The following UBA6 variants were observed in gnomAD, a reference collection of about 807,000 sequenced individuals.
UBA6 encodes the protein ubiquitin-like modifier-activating enzyme 6.
UBA6 carries 87 observed loss-of-function variants against 148.3 expected under a neutral mutation model. That is an observed-to-expected ratio of 0.59 (90% CI 0.49 to 0.70). The LOEUF is 0.70. Ranked by LOEUF, UBA6 falls within the 30% of genes least tolerant of loss-of-function variation. The pLI is 0.00. For synonymous variants in UBA6, 376 were observed against 401.0 expected (o/e 0.94, Z 0.75); for missense variants, 1,186 against 1,241.2 (o/e 0.96, Z 0.67).
chr4:67,649,000 T>A (rs1438793929), intron 14 of UBA6, 68 bp downstream of exon 14: 1 of 1,496,826 alleles, frequency 6.7e-7, no homozygotes, highest in Non-Finnish European at 9.0e-7. Context: ...ATATTAATAC[T>A]ACATTATAAT....
chr4:67,688,476 C>T (rs1730621415), intron 2 of UBA6, among the ~76,000 whole-genome samples: 1 of 151,914 alleles, frequency 6.6e-6, no homozygotes, highest in Non-Finnish European at 1.5e-5. Context: ...AAAATAAAAC[C>T]CCTCTGAGAG....
intron 1 of UBA6, among the ~76,000 whole-genome samples, chr4:67,699,223 T>C (rs940747551): frequency 6.6e-6 from 1 of 152,160 alleles, no homozygotes; most frequent in African/African-American, 2.4e-5. Context: ...GAGATCAATA[T>C]ACTGGCAGAA....
rs888115610 is a variant in UBA6, at chr4:67,616,026, A to G, written c.*2971T>C. The G allele has an allele frequency of 1.3e-5, 5 of 385,444 alleles. No homozygotes were observed. Among genetic ancestry groups the G allele is most frequent in the African/African-American group, 1.0e-4 (5 of 48,308 alleles). 23.9% of individuals were successfully genotyped at this position (385,444 alleles called of 1,614,324 possible). A position where few individuals can be genotyped will look rare whatever the true frequency, so the allele number is the denominator to read the frequency against. The stretch of plus-strand genomic sequence containing the variant: ...TCCTTGAACTGCATATTTATATTTT[A>G]TGTATTTTTGAATATATATGTGTTT... On this transcript the variant is annotated 3_prime_UTR_variant, in exon 33 of 33. Coordinates refer to ENST00000322244, the MANE Select transcript of UBA6 (RefSeq NM_018227.6).
In UBA6 at chr4:67,615,173, G is replaced by T. The variant is rs1728601521; in HGVS notation, c.*3824C>A. On this transcript the variant is annotated 3_prime_UTR_variant, in exon 33 of 33. Transcript: ENST00000322244. ...TGGTGGGAGGTGTTCGGGTTATGGG[G>T]ATGGATATCTGGATCCCTCATAAAT... The T allele has an allele frequency of 6.6e-6, 1 of 152,236 alleles. No individual in the cohort carries two copies. 9.4% of individuals were successfully genotyped at this position (152,236 alleles called of 1,614,324 possible). A position where few individuals can be genotyped will look rare whatever the true frequency, so the allele number is the denominator to read the frequency against.
chr4:67,628,137 G>C (rs1280931572), intron 27 of UBA6, among the ~76,000 whole-genome samples: 1 of 151,456 alleles, frequency 6.6e-6, no homozygotes. Flanking sequence ...ATTGTCTTGC[G>C]TTTTACTACA....
intron 10 of UBA6, among the ~76,000 whole-genome samples, chr4:67,664,948 C>A (rs1729954929): frequency 6.6e-6 from 1 of 152,024 alleles, no homozygotes; most frequent in South Asian, 2.1e-4. Context: ...TTTAGCTCAA[C>A]TATATGTATA....
rs1728694320 is a variant in UBA6, at chr4:67,619,111, A to G, written c.3045T>C (p.Pro1015=). ...LKLTMHKLVK[P]TTEKKYVDLT... ...GATCCACATATTTCTTTTCAGTAGT[A>G]GGTTTTACAAGTTTATGCATTCTAA... is the stretch of plus-strand genomic sequence containing the variant. The change falls in exon 33 of 33, where the codon CCT becomes CCC. Residue 1015 remains proline, a synonymous_variant. Coordinates refer to ENST00000322244, the MANE Select transcript of UBA6 (RefSeq NM_018227.6). 1 of 1,605,988 alleles carries G rather than the reference A, an allele frequency of 6.2e-7. No individual in the cohort carries two copies. Among genetic ancestry groups the G allele is most frequent in the Non-Finnish European group, 8.5e-7 (1 of 1,174,024 alleles).
At chr4:67,620,639 A>C (rs1055063037) in intron 32 of UBA6, among the ~76,000 whole-genome samples, 3 of 152,168 alleles carry the variant, frequency 2.0e-5, no homozygotes, top group African/African-American at 7.2e-5. Flanking sequence ...GATAACTAGG[A>C]ATCAATTTCC....
intron 22 of UBA6, 34 bp downstream of exon 22, chr4:67,634,208 T>G (rs761724423): frequency 7.1e-7 from 1 of 1,406,330 alleles, no homozygotes; most frequent in Non-Finnish European, 9.8e-7. Flanking sequence ...TGACACAAAG[T>G]GTTAAGTTTG....
intron 18 of UBA6, 24 bp from the exon 19 acceptor site, chr4:67,639,148 G>T: frequency 6.4e-7 from 1 of 1,571,832 alleles, no homozygotes; most frequent in South Asian, 1.1e-5. Flanking sequence ...ATAAGCAGAA[G>T]GAATATGTTA....
chr4:67,675,127 C>A (rs192454180), intron 6 of UBA6, among the ~76,000 whole-genome samples: 7 of 152,320 alleles, frequency 4.6e-5, no homozygotes, highest in Admixed American at 3.9e-4. Flanking sequence ...GCCTTGACTT[C>A]CAAAGTGCTG....
chr4:67,682,552 A>C (rs993058804), intron 2 of UBA6, among the ~76,000 whole-genome samples: 2 of 152,172 alleles, frequency 1.3e-5, no homozygotes, highest in African/African-American at 4.8e-5. Flanking sequence ...TGGCCACTAT[A>C]AGCATTTGAG....
At chr4:67,627,719 G>A (rs929184580) in intron 27 of UBA6, among the ~76,000 whole-genome samples, 10 of 150,082 alleles carry the variant, frequency 6.7e-5, no homozygotes, top group African/African-American at 1.5e-4. Context: ...AAATAAAAAC[G>A]CAGAACGAAA....
intron 8 of UBA6, among the ~76,000 whole-genome samples, chr4:67,669,970 A>T (rs570154460): frequency 6.6e-6 from 1 of 152,240 alleles, no homozygotes; most frequent in South Asian, 2.1e-4. Context: ...TATTTTTGAG[A>T]TGTGGTCTCA....
chr4:67,625,245 G>T (rs1441991104), intron 28 of UBA6, 58 bp from the exon 29 acceptor site: 1 of 1,292,572 alleles, frequency 7.7e-7, no homozygotes, highest in Non-Finnish European at 1.1e-6. Flanking sequence ...ATTTTACTAG[G>T]TAAAAAGCAA....
chr4:67,682,323 T>G, intron 2 of UBA6, 110 bp from the exon 3 acceptor site: 1 of 727,530 alleles, frequency 1.4e-6, no homozygotes, highest in South Asian at 1.8e-5. Flanking sequence ...CCCACAGACT[T>G]GTTATGAATG....
At chr4:67,691,723 A>G (rs555300451) in intron 2 of UBA6, among the ~76,000 whole-genome samples, 1 of 152,252 alleles carries the variant, frequency 6.6e-6, no homozygotes, top group African/African-American at 2.4e-5. Context: ...TTGATTATGT[A>G]CTGTAGACTG....
intron 2 of UBA6, among the ~76,000 whole-genome samples, chr4:67,691,497 C>A (rs1175847105): frequency 6.6e-6 from 1 of 152,148 alleles, no homozygotes; most frequent in East Asian, 1.9e-4. Context: ...TGACTCTATT[C>A]ATCTTTGCCT....
rs527347248 is a variant in UBA6, at chr4:67,681,501, A to G, written c.258+62T>C. ...AAAACAAAGTATAAACAATATTACC[A>G]TAACAAATGAGCCAAAAAAAAAGGC... On this transcript the variant is annotated intron_variant, in intron 4 of 32. Transcript: ENST00000322244. 9 of 1,134,550 alleles carry G rather than the reference A, an allele frequency of 7.9e-6. No homozygotes were observed. The East Asian group carries it at 1.8e-4, about 22-fold the overall frequency. 70.3% of individuals were successfully genotyped at this position (1,134,550 alleles called of 1,614,324 possible).
Sources: gnomAD v4.1 joint callset for allele counts (sites outside exome capture counted in the v4.1 genomes callset) on GRCh38, gnomAD v4.1.1 for gene constraint, MANE v1.5 for transcripts, NCBI Gene and HGNC (gene_info 2026-07-23, HGNC 2026-07-21) for gene names.